The following COL4A6 variants were observed in gnomAD, a reference collection of about 807,000 sequenced individuals.
COL4A6 encodes collagen alpha-6(IV) chain.
In COL4A6, 59 loss-of-function variants were observed where a neutral mutation model predicts 126.7. The observed-to-expected ratio is 0.47, with a 90% CI of 0.38 to 0.58. The LOEUF is 0.58. Ranked by LOEUF, COL4A6 falls within the 20% of genes least tolerant of loss-of-function variation. COL4A6 has a pLI of 0.00. For missense variants in COL4A6, 1,285 were observed against 1,337.3 expected (o/e 0.96, Z 0.61); for synonymous variants, 547 against 496.6 (o/e 1.10, Z -1.35).
intron 2 of COL4A6, among the ~76,000 whole-genome samples, chrX:108,363,359 T>A (rs746793391): frequency 1.8e-5 from 2 of 112,183 alleles, no homozygotes; most frequent in African/African-American, 6.5e-5. Flanking sequence ...GTTGAGTCAG[T>A]AAATTCCTGC....
At chrX:108,354,799 C>T (rs1386300885) in intron 2 of COL4A6, among the ~76,000 whole-genome samples, 1 of 110,623 alleles carries the variant, frequency 9.0e-6, no homozygotes, top group Non-Finnish European at 1.9e-5. Context: ...TGACAGGGAA[C>T]CCACCTTGAA....
At chrX:108,286,914 C>T (rs756559587) in intron 3 of COL4A6, among the ~76,000 whole-genome samples, 3 of 111,521 alleles carry the variant, frequency 2.7e-5, no homozygotes, top group African/African-American at 9.8e-5. Context: ...ACTCCTTTCC[C>T]CTAGTCTCTC....
chrX:108,272,587 G>A (rs1363074648), intron 3 of COL4A6, among the ~76,000 whole-genome samples: 2 of 111,464 alleles, frequency 1.8e-5, no homozygotes, highest in Non-Finnish European at 3.8e-5. Context: ...TTAAAACCAA[G>A]CAATCAACCA....
intron 3 of COL4A6, among the ~76,000 whole-genome samples, chrX:108,280,599 A>G (rs1030999224): frequency 2.3e-4 from 26 of 112,003 alleles, no homozygotes; most frequent in Non-Finnish European, 4.3e-4. Flanking sequence ...TTCTGAAACT[A>G]TTCCAGTCAA....
intron 2 of COL4A6, among the ~76,000 whole-genome samples, chrX:108,345,860 G>GA (rs1216236860): frequency 2.7e-5 from 3 of 111,553 alleles, no homozygotes; most frequent in Non-Finnish European, 5.7e-5. Context: ...GGGGAGCTTT[G>GA]AAAAATCCCT....
At chrX:108,236,555 C>T (rs774868315) in intron 3 of COL4A6, among the ~76,000 whole-genome samples, 11 of 111,601 alleles carry the variant, frequency 9.9e-5, no homozygotes, top group South Asian at 3.8e-4. Context: ...CTTTCATCTT[C>T]GAAACATGCT....
At chrX:108,331,372 T>C (rs922548012) in intron 2 of COL4A6, among the ~76,000 whole-genome samples, 2 of 112,115 alleles carry the variant, frequency 1.8e-5, no homozygotes, top group African/African-American at 6.5e-5. Flanking sequence ...TTAGATGGTA[T>C]AGCCTACTAC....
At chrX:108,437,730 G>A (rs181311010) in intron 2 of COL4A6, among the ~76,000 whole-genome samples, 6 of 111,423 alleles carry the variant, frequency 5.4e-5, no homozygotes, top group Non-Finnish European at 7.5e-5. Context: ...AACCCGTTAC[G>A]AAGTTTTGGA....
At chrX:108,196,168 A>G (rs187039524) in intron 14 of COL4A6, among the ~76,000 whole-genome samples, 1 of 111,243 alleles carries the variant, frequency 9.0e-6, no homozygotes, top group African/African-American at 3.3e-5. Context: ...TTCCCTCAGA[A>G]TAGAATGGAA....
At chrX:108,225,461 C>T (rs1051342736) in intron 3 of COL4A6, among the ~76,000 whole-genome samples, 1 of 112,454 alleles carries the variant, frequency 8.9e-6, no homozygotes, top group Non-Finnish European at 1.9e-5. Context: ...ATGAGCTCTC[C>T]TGCTTCCATC....
intron 13 of COL4A6, among the ~76,000 whole-genome samples, chrX:108,201,134 C>A (rs997085857): frequency 1.8e-5 from 2 of 111,572 alleles, no homozygotes; most frequent in Admixed American, 1.9e-4. Context: ...TAGAAGGAAC[C>A]TGTGCCACTG....
At chrX:108,256,800 T>G (rs1345995490) in intron 3 of COL4A6, among the ~76,000 whole-genome samples, 1 of 111,433 alleles carries the variant, frequency 9.0e-6, no homozygotes, top group Admixed American at 9.6e-5. Flanking sequence ...CTTATTCAAA[T>G]TTGAGTGTAT....
intron 13 of COL4A6, among the ~76,000 whole-genome samples, chrX:108,199,243 C>T (rs1324054533): frequency 3.6e-5 from 4 of 110,389 alleles, no homozygotes; most frequent in Non-Finnish European, 5.7e-5. Context: ...CCTTGTTTCT[C>T]GGTGAGTGTG....
intron 3 of COL4A6, among the ~76,000 whole-genome samples, chrX:108,234,861 T>C (rs1427694701): frequency 9.0e-6 from 1 of 111,486 alleles, no homozygotes; most frequent in Non-Finnish European, 1.9e-5. Context: ...CAAATTGATC[T>C]CAATTTTCTC....
At position 108,206,567 on chromosome X, in the gene COL4A6, G is replaced by C. The variant is rs767009863; in HGVS notation, c.560C>G (p.Ala187Gly). Residue 187 changes from alanine to glycine, a missense_variant, in exon 9 of 45, where the codon GCA becomes GGA. Transcript: ENST00000334504. Reference protein sequence around the residue: ...GLDGITGPQGAPGFPGAVGPA... With the variant: ...GLDGITGPQGGPGFPGAVGPA... ...TCCTACAGCTCCAGGAAATCCGGGT[G>C]CTCCTTGTGGGCCCTAGAGAGGCAA... is the stretch of plus-strand genomic sequence containing the variant. 2 of 1,208,130 alleles carry C rather than the reference G, an allele frequency of 1.7e-6. No homozygotes were observed. Among genetic ancestry groups the C allele is most frequent in the African/African-American group, 3.5e-5 (2 of 57,062 alleles).
intron 2 of COL4A6, among the ~76,000 whole-genome samples, chrX:108,338,845 T>C (rs2039493137): frequency 8.9e-6 from 1 of 112,132 alleles, no homozygotes; most frequent in African/African-American, 3.2e-5. Context: ...AAAGCTTAAA[T>C]TAGTTTAGAC....
chrX:108,312,833 G>C (rs995367386), intron 2 of COL4A6, among the ~76,000 whole-genome samples: 2 of 111,391 alleles, frequency 1.8e-5, no homozygotes, highest in South Asian at 7.6e-4. Flanking sequence ...GTCTGTTTGA[G>C]TGTTCCATAA....
intron 2 of COL4A6, among the ~76,000 whole-genome samples, chrX:108,339,933 C>T (rs181026565): frequency 3.4e-3 from 379 of 111,118 alleles, no homozygotes; most frequent in Admixed American, 5.2e-3. Flanking sequence ...CAGTTGATTG[C>T]CCTGGATAAA....
chrX:108,159,501 C>G lies in COL4A6; in HGVS notation c.4773G>C (p.Leu1591=), dbSNP rs1225482728. 1 of 1,210,941 alleles carries G rather than the reference C, an allele frequency of 8.3e-7. No homozygotes were observed. Among genetic ancestry groups the G allele is most frequent in the Non-Finnish European group, 1.1e-6 (1 of 895,438 alleles). Residue 1591 remains leucine (L), a synonymous_variant, in exon 44 of 45, where the codon CTG becomes CTC. Coordinates refer to ENST00000334504, the MANE Select transcript of COL4A6 (RefSeq NM_033641.4). ...SQDITIPQCP[L]GWRSLWIGYS... Reference sequence around the variant, plus strand: ...ACCCAATCCAGAGGCTGCGCCAGCCCAGGGGGCACTGCGGGATGGTGATGT... The same window carrying G: ...ACCCAATCCAGAGGCTGCGCCAGCCGAGGGGGCACTGCGGGATGGTGATGT...
Sources: gnomAD v4.1 joint callset for allele counts (sites outside exome capture counted in the v4.1 genomes callset) on GRCh38, gnomAD v4.1.1 for gene constraint, MANE v1.5 for transcripts, NCBI Gene and HGNC (gene_info 2026-07-23, HGNC 2026-07-21) for gene names.